HMCN2: variants seen among roughly 807,000 people sequenced by gnomAD.
HMCN2 encodes the protein hemicentin 2.
Under a neutral mutation model 377.5 loss-of-function variants are expected in HMCN2, and 325 were observed. The ratio of observed to expected loss-of-function variants is 0.86; its 90% CI spans 0.79 to 0.94. The LOEUF is 0.94. Ranked by LOEUF, HMCN2 falls within the 40% of genes least tolerant of loss-of-function variation. HMCN2 has a pLI of 0.00. For synonymous variants in HMCN2, 2,007 were observed against 2,046.8 expected (o/e 0.98, Z 0.53); for missense variants, 4,543 against 4,725.3 (o/e 0.96, Z 1.13).
Position 130,362,025 on chromosome 9 carries a change from C to T in HMCN2, c.5968C>T (p.Leu1990=), listed in dbSNP as rs1321110996. Residue 1990 remains leucine, a synonymous_variant, in exon 39 of 98, where the codon CTG becomes TTG. Coordinates refer to ENST00000683500, the MANE Select transcript of HMCN2 (RefSeq NM_001291815.2). The part of the protein sequence containing the change: ...LRVNVPPRIT[L]PPSLPGPVLV... ...CCCTGCAGTGCCCCCTCGAATCACACTGCCACCCAGCCTGCCAGGCCCTGT... is the reference window on the plus strand; with the variant it reads ...CCCTGCAGTGCCCCCTCGAATCACATTGCCACCCAGCCTGCCAGGCCCTGT... 4 of 986,052 alleles carry T rather than the reference C, an allele frequency of 4.1e-6. No homozygotes were observed. The highest frequency in any genetic ancestry group is 2.3e-4 in the East Asian group (2 of 8,842). The allele number at this position is 986,052 out of a possible 1,614,324, so 61.1% of individuals were successfully genotyped here. A position where few individuals can be genotyped will look rare whatever the true frequency, so the allele number is the denominator to read the frequency against.
Position 130,294,875 on chromosome 9 carries a change from A to T in HMCN2, c.633A>T (p.Ser211=), listed in dbSNP as rs1836030320. 2.2e-6 allele frequency: 1 copy of T among 459,466 alleles called. No individual in the cohort carries two copies. The highest frequency in any genetic ancestry group is 1.6e-5 in the South Asian group (1 of 62,898). The allele number at this position is 459,466 out of a possible 1,614,324, so 28.5% of individuals were successfully genotyped here. A position where few individuals can be genotyped will look rare whatever the true frequency, so the allele number is the denominator to read the frequency against. The change falls in exon 5 of 98, where the codon TCA becomes TCT. Residue 211 remains serine (S), a synonymous_variant. Transcript: ENST00000683500. ...QVTEVLKWVE[S]AIQASKVHLL... ...TCCAGGTGCTGAAGTGGGTGGAGTC[A>T]GCGATCCAGGCCTCCAAGGTGCACC...
chr9:130,379,508 C>G (rs973149704), intron 54 of HMCN2, 41 bp downstream of exon 54: 1 of 896,788 alleles, frequency 1.1e-6, no homozygotes, highest in South Asian at 5.2e-5. Context: ...GCTTTGAGCT[C>G]TCCTGTGTGC....
At position 130,393,685 on chromosome 9, in the gene HMCN2, C is replaced by T. The variant is rs1297461870; in HGVS notation, c.10235-57C>T. ...GAAGAGGTGATGTCTAAGCTGAGTA[C>T]TGGAGATGAGAGTCCTGGAATAAAA... On this transcript the variant is annotated intron_variant, in intron 67 of 97. Transcript: ENST00000683500. The surrounding 1 kb of genome is among the most constrained non-coding windows in gnomAD (Gnocchi z 5.2). The T allele has an allele frequency of 6.7e-6, 8 of 1,200,016 alleles. No individual in the cohort carries two copies. The Admixed American group carries it at 2.7e-4, about 40-fold the overall frequency. The allele number at this position is 1,200,016 out of a possible 1,614,324, so 74.3% of individuals were successfully genotyped here.
At chr9:130,326,405 C>T (rs1838134030) in intron 21 of HMCN2, among the ~76,000 whole-genome samples, 1 of 152,072 alleles carries the variant, frequency 6.6e-6, no homozygotes, top group Non-Finnish European at 1.5e-5. Context: ...CTTTTTGGTA[C>T]CACTATTGCC....
At chr9:130,352,410 A>G (rs1839779513) in intron 30 of HMCN2, among the ~76,000 whole-genome samples, 1 of 152,254 alleles carries the variant, frequency 6.6e-6, no homozygotes, top group Non-Finnish European at 1.5e-5. Flanking sequence ...AAGGTTAGGG[A>G]CATGCATAGT....
In HMCN2 at chr9:130,406,261, G is replaced by C. The variant is rs1352688697; in HGVS notation, c.12553+93G>C. 9 of 1,087,002 alleles carry C rather than the reference G, an allele frequency of 8.3e-6. No individual in the cohort carries two copies. In the South Asian group the frequency reaches 1.2e-4, roughly 15 times the overall value. The allele number at this position is 1,087,002 out of a possible 1,614,324, so 67.3% of individuals were successfully genotyped here. A position where few individuals can be genotyped will look rare whatever the true frequency, so the allele number is the denominator to read the frequency against. ...GTGGGGAGACCCAACCTAGTGGAAAGGAAGAGGTTGTCAGCCAGCCCTGTT... is the reference window on the plus strand; with the variant it reads ...GTGGGGAGACCCAACCTAGTGGAAACGAAGAGGTTGTCAGCCAGCCCTGTT... On this transcript the variant is annotated intron_variant, in intron 82 of 97. Coordinates refer to ENST00000683500, the MANE Select transcript of HMCN2 (RefSeq NM_001291815.2).
chr9:130,335,952 G>A (rs1057154941), intron 22 of HMCN2, among the ~76,000 whole-genome samples: 7 of 152,168 alleles, frequency 4.6e-5, no homozygotes, highest in Non-Finnish European at 8.8e-5. Flanking sequence ...TCTGGGTAGG[G>A]CCTGAGAATC....
intron 8 of HMCN2, among the ~76,000 whole-genome samples, chr9:130,299,830 T>C (rs1836393768): frequency 7.7e-6 from 1 of 129,904 alleles, no homozygotes; most frequent in Non-Finnish European, 1.6e-5. Context: ...GACTCACCTA[T>C]TCATCCATCC....
rs947612338 is a variant in HMCN2, at chr9:130,384,681, G to A, written c.8993-4G>A. ...TGGTGTGAGGGGCTGGCTTCCCCCG[G>A]CAGGCACCCACACGCTGCAGCTGGG... On this transcript the variant is annotated splice_polypyrimidine_tract_variant and splice_region_variant and intron_variant, in intron 58 of 97. Coordinates refer to ENST00000683500, the MANE Select transcript of HMCN2 (RefSeq NM_001291815.2). 1.0e-5 allele frequency: 13 copies of A among 1,302,200 alleles called. No homozygotes were observed. The African/African-American group carries it at 2.0e-4, about 20-fold the overall frequency. The allele number at this position is 1,302,200 out of a possible 1,614,324, so 80.7% of individuals were successfully genotyped here. A position where few individuals can be genotyped will look rare whatever the true frequency, so the allele number is the denominator to read the frequency against.
rs1031428058 is a variant in HMCN2, at chr9:130,375,674, A to G, written c.7742A>G (p.Asn2581Ser). 3 of 985,800 alleles carry G rather than the reference A, an allele frequency of 3.0e-6. No homozygotes were observed. The highest frequency in any genetic ancestry group is 1.1e-4 in the East Asian group (1 of 8,818). The allele number at this position is 985,800 out of a possible 1,614,324, so 61.1% of individuals were successfully genotyped here. ...ICEALAFPSPNITWMKDGAPF... is the reference protein window; with the variant it reads ...ICEALAFPSPSITWMKDGAPF... ...GAGGCCCTGGCCTTCCCTTCCCCCA[A>G]CATCACCTGGATGAAGGACGGGGCC... The change falls in exon 50 of 98, where the codon AAC (asparagine) becomes AGC (serine). Residue 2581 changes from asparagine (N) to serine (S), a missense_variant. Transcript: ENST00000683500.
intron 15 of HMCN2, among the ~76,000 whole-genome samples, chr9:130,318,533 T>C (rs1837687511): frequency 6.6e-6 from 1 of 152,186 alleles, no homozygotes. Context: ...CTCCTGATTA[T>C]AAAAGTCAAA....
intron 89 of HMCN2, 60 bp from the exon 90 acceptor site, chr9:130,425,627 C>T: frequency 8.6e-7 from 1 of 1,167,186 alleles, no homozygotes; most frequent in South Asian, 1.3e-5. Flanking sequence ...CCTTCCAACC[C>T]TGACCCCTTT....
chr9:130,359,439 A>G (rs1840237134), intron 37 of HMCN2, 25 bp downstream of exon 37: 3 of 1,219,246 alleles, frequency 2.5e-6, no homozygotes, highest in African/African-American at 3.1e-5. Flanking sequence ...CTTGGCTGAA[A>G]GCTACTTCCA....
At chr9:130,390,361 GA>G (rs1842247707) in intron 62 of HMCN2, among the ~76,000 whole-genome samples, 2 of 152,000 alleles carry the variant, frequency 1.3e-5, no homozygotes, top group African/African-American at 4.8e-5. Context: ...TGAACTCCTT[GA>G]GGACAGGGAC....
chr9:130,395,133 G>GGGGGGGGGC, intron 70 of HMCN2, 25 bp downstream of exon 70: 1 of 453,800 alleles, frequency 2.2e-6, no homozygotes, highest in Non-Finnish European at 3.9e-6. Flanking sequence ...TGGGGTGGGG[G>GGGGGGGGGC]CAGGGCCGGG....
rs142644799 is a variant in HMCN2 at position 130,423,275 on chromosome 9, C to T, written c.13381+549C>T. On this transcript the variant is annotated intron_variant, in intron 87 of 97. Coordinates refer to ENST00000683500, the MANE Select transcript of HMCN2 (RefSeq NM_001291815.2). The surrounding 1 kb of genome is among the most constrained non-coding windows in gnomAD (Gnocchi z 5.5). Reference sequence around the variant, plus strand: ...GACTTGCAGAGCTTGTGACAGTGGACGTCACTGTCTCTCCCTTCCCAAGGA... The same window carrying T: ...GACTTGCAGAGCTTGTGACAGTGGATGTCACTGTCTCTCCCTTCCCAAGGA... Among the ~76,000 whole-genome samples, 4 of 152,284 alleles carry T rather than the reference C, an allele frequency of 2.6e-5. No individual in the cohort carries two copies. Among genetic ancestry groups the T allele is most frequent in the East Asian group, 1.9e-4 (1 of 5,180 alleles).
At chr9:130,405,372 C>T (rs1015012348) in intron 81 of HMCN2, among the ~76,000 whole-genome samples, 3 of 152,242 alleles carry the variant, frequency 2.0e-5, no homozygotes, top group Non-Finnish European at 2.9e-5. Flanking sequence ...GTCAACCATG[C>T]GTTGGCATTA....
At position 130,398,524 on chromosome 9, in the gene HMCN2, G is replaced by A. The variant is rs540128878; in HGVS notation, c.11327-27G>A. On this transcript the variant is annotated intron_variant, in intron 74 of 97. Coordinates refer to ENST00000683500, the MANE Select transcript of HMCN2 (RefSeq NM_001291815.2). Reference sequence around the variant, plus strand: ...CCCAGCCCCTGTGCCCCCTGCACCTGTCTCCTGACCACTGTGCTCTCCCCA... The same window carrying A: ...CCCAGCCCCTGTGCCCCCTGCACCTATCTCCTGACCACTGTGCTCTCCCCA... 4.2e-5 allele frequency: 49 copies of A among 1,166,530 alleles called. 1 individual carries two copies. The African/African-American group carries it at 7.0e-4, about 17-fold the overall frequency. 72.3% of individuals were successfully genotyped at this position (1,166,530 alleles called of 1,614,324 possible).
Position 130,357,976 on chromosome 9 carries a change from G to A in HMCN2, c.5568G>A (p.Gly1856=), listed in dbSNP as rs1840140366. 7.7e-7 allele frequency: 1 copy of A among 1,304,048 alleles called. No homozygotes were observed. Among genetic ancestry groups the A allele is most frequent in the East Asian group, 5.6e-5 (1 of 18,006 alleles). The allele number at this position is 1,304,048 out of a possible 1,614,324, so 80.8% of individuals were successfully genotyped here. A position where few individuals can be genotyped will look rare whatever the true frequency, so the allele number is the denominator to read the frequency against. Residue 1856 remains glycine (G), a synonymous_variant, in exon 35 of 98, where the codon GGG becomes GGA. Transcript: ENST00000683500. ...WKDGVALAAF[G]GNLQIEKVDL... Reference sequence around the variant, plus strand: ...ATGGTGTAGCCCTGGCAGCCTTTGGGGGGAACCTACAGGTATGTGCAGGGG... The same window carrying A: ...ATGGTGTAGCCCTGGCAGCCTTTGGAGGGAACCTACAGGTATGTGCAGGGG...
Sources: gnomAD v4.1 joint callset for allele counts (sites outside exome capture counted in the v4.1 genomes callset) on GRCh38, gnomAD v4.1.1 for gene constraint, Gnocchi (gnomAD v3.1) non-coding constraint, MANE v1.5 for transcripts, NCBI Gene and HGNC (gene_info 2026-07-23, HGNC 2026-07-21) for gene names.